SNX10: variants seen among roughly 807,000 people sequenced by gnomAD.
SNX10 encodes the protein sorting nexin 10, also known as sorting nexin-10.
SNX10 carries 25 observed loss-of-function variants against 28.5 expected under a neutral mutation model. The ratio of observed to expected loss-of-function variants is 0.88; its 90% confidence interval spans 0.64 to 1.22. The LOEUF (loss-of-function observed/expected upper bound fraction) is 1.22. SNX10 is among the 50% of genes most tolerant of loss of function. The pLI is 0.00. For missense variants in SNX10, 223 were observed against 242.6 expected (o/e 0.92, Z 0.54); for synonymous variants, 62 against 81.4 (o/e 0.76, Z 1.28).
chr7:26,294,454 G>A (rs1385323194), intron 1 of SNX10, among the ~76,000 whole-genome samples: 1 of 152,204 alleles, frequency 6.6e-6, no homozygotes, highest in Non-Finnish European at 1.5e-5. Context: ...TAATACAACA[G>A]CTGACATTTA....
intron 5 of SNX10, chr7:26,370,363 T>G (rs1789470202): frequency 6.6e-6 from 1 of 152,262 alleles, no homozygotes; most frequent in Admixed American, 6.5e-5. Flanking sequence ...TTAATCATTA[T>G]CATGTGACAT....
chr7:26,350,000 G>T (rs917660922), intron 2 of SNX10, among the ~76,000 whole-genome samples: 2 of 152,174 alleles, frequency 1.3e-5, no homozygotes, highest in Non-Finnish European at 2.9e-5. Context: ...GGCTCACTTG[G>T]TGTAACTAGA....
At chr7:26,330,246 T>G in intron 1 of SNX10, among the ~76,000 whole-genome samples, 2 of 151,662 alleles carry the variant, frequency 1.3e-5, no homozygotes, top group Admixed American at 6.6e-5. Flanking sequence ...TGTGGAGGGG[T>G]CGGCAAAGCC....
At chr7:26,368,494 G>A (rs1178925519) in intron 5 of SNX10, among the ~76,000 whole-genome samples, 3 of 152,088 alleles carry the variant, frequency 2.0e-5, no homozygotes, top group Non-Finnish European at 2.9e-5. Flanking sequence ...CTAATTTTTA[G>A]GTTTGAATGG....
At position 26,368,703 on chromosome 7, in the gene SNX10, C is replaced by T. The variant is rs6965433; in HGVS notation, c.312-3118C>T. ...TGTTGAACCATGACAGCTAGTTTTA[C>T]ACACACACGATTTTTATGTCTTTGT... On this transcript the variant is annotated intron_variant, in intron 5 of 6. Coordinates refer to ENST00000338523, the MANE Select transcript of SNX10 (RefSeq NM_013322.3). 9.5e-3 allele frequency among the ~76,000 whole-genome samples: 1,453 copies of T among 152,226 alleles called. 21 individuals carry two copies. Among genetic ancestry groups the T allele is most frequent in the African/African-American group, 0.033 (1,353 of 41,546 alleles).
At position 26,318,300 on chromosome 7, in the gene SNX10, A is replaced by G. The variant is rs535277695; in HGVS notation, c.-24+26214A>G. On this transcript the variant is annotated intron_variant, in intron 1 of 6. Transcript: ENST00000338523. Reference sequence around the variant, plus strand: ...GGGATCCTTGTGCATCCTTTGAGAAAGGCGAGTCTTGCTTTTGTCTCTCTG... The same window carrying G: ...GGGATCCTTGTGCATCCTTTGAGAAGGGCGAGTCTTGCTTTTGTCTCTCTG... Among the ~76,000 whole-genome samples, 8 of 152,302 alleles carry G rather than the reference A, an allele frequency of 5.3e-5. No homozygotes were observed. In the East Asian group the frequency reaches 9.6e-4, roughly 18 times the overall value.
chr7:26,357,326 T>TA (rs1300293600), intron 2 of SNX10, among the ~76,000 whole-genome samples: 3 of 55,522 alleles, frequency 5.4e-5, no homozygotes, highest in Admixed American at 3.8e-4. Context: ...AAAGAGAAGA[T>TA]TAAAAAAAAA....
intron 1 of SNX10, among the ~76,000 whole-genome samples, chr7:26,341,912 C>A (rs1184266577): frequency 2.0e-5 from 3 of 150,630 alleles, no homozygotes; most frequent in Admixed American, 1.3e-4. Context: ...TTTTCTCTCT[C>A]TTTCTCTTTC....
intron 2 of SNX10, among the ~76,000 whole-genome samples, chr7:26,352,553 C>G (rs1348749678): frequency 1.3e-5 from 2 of 152,194 alleles, no homozygotes; most frequent in East Asian, 3.8e-4. Context: ...ATATCCCCAC[C>G]CCACCTATTT....
intron 1 of SNX10, among the ~76,000 whole-genome samples, chr7:26,319,070 T>C (rs1787210367): frequency 6.6e-6 from 1 of 152,200 alleles, no homozygotes; most frequent in Non-Finnish European, 1.5e-5. Context: ...ATCAAACCCC[T>C]GTGTCAGTGG....
At chr7:26,353,688 G>C (rs1464110504) in intron 2 of SNX10, among the ~76,000 whole-genome samples, 1 of 151,856 alleles carries the variant, frequency 6.6e-6, no homozygotes, top group Non-Finnish European at 1.5e-5. Flanking sequence ...CTCACCTCAG[G>C]TAATCTGCCT....
Position 26,364,501 on chromosome 7 carries a change from A to G in SNX10, c.112-34A>G. The G allele has an allele frequency of 6.4e-7, 1 of 1,566,230 alleles. No homozygotes were observed. Among genetic ancestry groups the G allele is most frequent in the South Asian group, 1.2e-5 (1 of 84,638 alleles). On this transcript the variant is annotated intron_variant, in intron 3 of 6. Coordinates refer to ENST00000338523, the MANE Select transcript of SNX10 (RefSeq NM_013322.3). This position sits in a 1 kb window ranked among gnomAD's most constrained non-coding sequence, Gnocchi z 4.9. ...ATACAAGAAATGCATTTTTTTCCTC[A>G]GGTAAGACTCATTTTTCTACTTTCT...
At chr7:26,333,208 A>G (rs1787805329) in intron 1 of SNX10, among the ~76,000 whole-genome samples, 1 of 151,890 alleles carries the variant, frequency 6.6e-6, no homozygotes, top group East Asian at 1.9e-4. Flanking sequence ...GTTCATGAAC[A>G]TGGTATGTTT....
In SNX10 at chr7:26,305,424, A is replaced by G. The variant is rs141221241; in HGVS notation, c.-24+13338A>G. ...TTATCTTCCCCTTTCTCACTGATGT[A>G]GCAGCTCTTATTGTAGAGTGGCGTT... On this transcript the variant is annotated intron_variant, in intron 1 of 6. Coordinates refer to ENST00000338523, the MANE Select transcript of SNX10 (RefSeq NM_013322.3). Among the ~76,000 whole-genome samples the G allele has an allele frequency of 5.0e-4, 76 of 152,308 alleles. No homozygotes were observed. In the East Asian group the frequency reaches 0.012, roughly 24 times the overall value.
chr7:26,296,623 A>G (rs538357076), intron 1 of SNX10, among the ~76,000 whole-genome samples: 3 of 152,336 alleles, frequency 2.0e-5, no homozygotes, highest in East Asian at 3.9e-4. Context: ...ACAAACTGAT[A>G]ATAATAAAGC....
chr7:26,293,384 T>C (rs1785999221), intron 1 of SNX10, among the ~76,000 whole-genome samples: 2 of 152,092 alleles, frequency 1.3e-5, no homozygotes, highest in East Asian at 1.9e-4. Context: ...GGTATTTTTT[T>C]TGTAGAGACA....
chr7:26,302,791 G>A (rs910605862), intron 1 of SNX10, among the ~76,000 whole-genome samples: 5 of 152,136 alleles, frequency 3.3e-5, no homozygotes, highest in Non-Finnish European at 7.3e-5. Flanking sequence ...GTTCATGCCT[G>A]TAATCCCAGC....
chr7:26,325,947 C>G (rs892713773), intron 1 of SNX10, among the ~76,000 whole-genome samples: 1 of 152,024 alleles, frequency 6.6e-6, no homozygotes, highest in Non-Finnish European at 1.5e-5. Context: ...AGGCTGGTCT[C>G]GAACTCCTGA....
chr7:26,312,336 A>G (rs1240018156), intron 1 of SNX10, among the ~76,000 whole-genome samples: 2 of 152,220 alleles, frequency 1.3e-5, no homozygotes, highest in African/African-American at 2.4e-5. Flanking sequence ...CCATAAGCAA[A>G]ACAAACAGAT....
Sources: gnomAD v4.1 joint callset for allele counts (sites outside exome capture counted in the v4.1 genomes callset) on GRCh38, gnomAD v4.1.1 for gene constraint, Gnocchi (gnomAD v3.1) non-coding constraint, MANE v1.5 for transcripts, NCBI Gene and HGNC (gene_info 2026-07-23, HGNC 2026-07-21) for gene names.